Variants in FGGY observed in about 807,000 individuals in gnomAD.
FGGY encodes the protein FGGY carbohydrate kinase domain-containing protein.
A neutral mutation model predicts 71.3 loss-of-function variants in FGGY; 72 were observed. The ratio of observed to expected loss-of-function variants is 1.01; its 90% confidence interval spans 0.84 to 1.23. FGGY has a LOEUF of 1.23. Ranked by LOEUF, FGGY falls within the 50% of genes most tolerant of loss-of-function variation. The pLI, the probability that FGGY is intolerant of heterozygous loss-of-function variation, is 0.00. For missense variants in FGGY, 668 were observed against 682.3 expected (o/e 0.98, Z 0.23); for synonymous variants, 251 against 250.3 (o/e 1.00, Z -0.02).
chr1:59,401,879 G>A (rs2062009588), intron 5 of FGGY, among the ~76,000 whole-genome samples: 1 of 152,228 alleles, frequency 6.6e-6, no homozygotes, highest in Non-Finnish European at 1.5e-5. Flanking sequence ...ATGGAGAGGA[G>A]GAGGAAGGAA....
intron 6 of FGGY, among the ~76,000 whole-genome samples, chr1:59,482,771 C>T (rs1055038622): frequency 6.6e-6 from 1 of 151,968 alleles, no homozygotes; most frequent in Non-Finnish European, 1.5e-5. Flanking sequence ...GGTGAAATAA[C>T]ATCACAAAGC....
At chr1:59,669,540 C>CTTTTTTTTTTTTTTTT (rs58004594) in intron 13 of FGGY, among the ~76,000 whole-genome samples, 13 of 102,498 alleles carry the variant, frequency 1.3e-4, no homozygotes, top group African/African-American at 2.3e-4. Flanking sequence ...TTCTAGACTT[C>CTTTTTTTTTTTTTTTT]TTTTTTTTTT....
chr1:59,406,731 AAAT>A (rs1320888431), intron 5 of FGGY, among the ~76,000 whole-genome samples: 1 of 152,192 alleles, frequency 6.6e-6, no homozygotes, highest in African/African-American at 2.4e-5. Context: ...AGACTACCAA[AAAT>A]AATAAGGTCA....
chr1:59,346,212 T>G (rs1179835854), intron 3 of FGGY, 35 bp from the exon 4 acceptor site: 3 of 1,610,248 alleles, frequency 1.9e-6, no homozygotes, highest in African/African-American at 2.7e-5. Context: ...GAAGAGAATG[T>G]GTGTCCATCT....
chr1:59,518,204 G>T (rs1170663104), intron 7 of FGGY, among the ~76,000 whole-genome samples: 1 of 152,078 alleles, frequency 6.6e-6, no homozygotes, highest in Admixed American at 6.5e-5. Flanking sequence ...AGCCAGTCTT[G>T]CAAAAAGGGC....
chr1:59,535,382 G>A lies in FGGY; in HGVS notation c.800-18742G>A, dbSNP rs530357379. ...ACTTAGACTCCCACACATTAATAATGGGAGACTTTAACACCTCACTGTCAA... is the reference window on the plus strand; with the variant it reads ...ACTTAGACTCCCACACATTAATAATAGGAGACTTTAACACCTCACTGTCAA... On this transcript the variant is annotated intron_variant, in intron 7 of 15. Coordinates refer to ENST00000303721, the MANE Select transcript of FGGY (RefSeq NM_018291.5). Among the ~76,000 whole-genome samples, 460 of 152,190 alleles carry A rather than the reference G, an allele frequency of 3.0e-3. 1 individual carries two copies. The highest frequency in any genetic ancestry group is 0.011 in the African/African-American group (446 of 41,492).
intron 5 of FGGY, among the ~76,000 whole-genome samples, chr1:59,416,076 A>G (rs556521473): frequency 6.6e-6 from 1 of 152,330 alleles, no homozygotes; most frequent in East Asian, 1.9e-4. Context: ...TCTTATTTAA[A>G]TCAATTAGTT....
At chr1:59,527,605 A>T (rs1267145625) in intron 7 of FGGY, among the ~76,000 whole-genome samples, 1 of 152,198 alleles carries the variant, frequency 6.6e-6, no homozygotes, top group African/African-American at 2.4e-5. Flanking sequence ...TGAGCTGCTG[A>T]ATGTTCTTCC....
At chr1:59,631,209 A>G (rs2096905553) in intron 10 of FGGY, among the ~76,000 whole-genome samples, 1 of 152,052 alleles carries the variant, frequency 6.6e-6, no homozygotes, top group Admixed American at 6.5e-5. Flanking sequence ...ACTTTTCTTG[A>G]GTTTATAGTC....
intron 6 of FGGY, among the ~76,000 whole-genome samples, chr1:59,461,402 C>A (rs1009764683): frequency 1.3e-5 from 2 of 152,078 alleles, no homozygotes; most frequent in African/African-American, 4.8e-5. Flanking sequence ...ATGAAGCCTC[C>A]AAGAAATGTG....
At chr1:59,502,266 C>T (rs1013073763) in intron 6 of FGGY, among the ~76,000 whole-genome samples, 5 of 151,988 alleles carry the variant, frequency 3.3e-5, no homozygotes, top group African/African-American at 9.7e-5. Context: ...GCCCTCAAGG[C>T]GATTATAATC....
intron 8 of FGGY, among the ~76,000 whole-genome samples, chr1:59,593,289 A>C (rs368720195): frequency 6.6e-6 from 1 of 152,240 alleles, no homozygotes; most frequent in Non-Finnish European, 1.5e-5. Flanking sequence ...TTACAAGGCA[A>C]TCAACATATA....
chr1:59,353,027 A>G (rs1220541710), intron 4 of FGGY, among the ~76,000 whole-genome samples: 2 of 152,194 alleles, frequency 1.3e-5, no homozygotes, highest in Non-Finnish European at 2.9e-5. Context: ...GATATTGAGG[A>G]ACTTTGGGAG....
chr1:59,591,385 G>A (rs373399567), intron 8 of FGGY, among the ~76,000 whole-genome samples: 17 of 152,200 alleles, frequency 1.1e-4, no homozygotes, highest in African/African-American at 3.1e-4. Flanking sequence ...TATAGATTCA[G>A]TGCCATCCCC....
At chr1:59,587,259 C>A (rs1252274270) in intron 8 of FGGY, among the ~76,000 whole-genome samples, 1 of 152,124 alleles carries the variant, frequency 6.6e-6, no homozygotes, top group Non-Finnish European at 1.5e-5. Context: ...CCCGCCATTG[C>A]CCAGGCTTGC....
intron 5 of FGGY, among the ~76,000 whole-genome samples, chr1:59,410,314 A>C (rs1010270521): frequency 6.6e-6 from 1 of 152,158 alleles, no homozygotes; most frequent in Admixed American, 6.5e-5. Context: ...TGGTCTTTAC[A>C]CATGTTCTTC....
At chr1:59,311,555 C>T (rs181206064) in intron 1 of FGGY, among the ~76,000 whole-genome samples, 1 of 152,272 alleles carries the variant, frequency 6.6e-6, no homozygotes, top group East Asian at 1.9e-4. Context: ...ATTCATATCC[C>T]TGTGAAGGAC....
chr1:59,369,061 G>C (rs148878026), intron 4 of FGGY, among the ~76,000 whole-genome samples: 3,050 of 152,290 alleles, frequency 0.02, 48 homozygotes, highest in Non-Finnish European at 0.031. Context: ...GACAGTGGGC[G>C]CAGGTCAGTG....
chr1:59,604,473 T>C (rs749153632), intron 8 of FGGY, among the ~76,000 whole-genome samples: 1 of 152,140 alleles, frequency 6.6e-6, no homozygotes, highest in Non-Finnish European at 1.5e-5. Flanking sequence ...AACTCAAAAC[T>C]TTCTCCCTGG....
Sources: gnomAD v4.1 joint callset for allele counts (sites outside exome capture counted in the v4.1 genomes callset) on GRCh38, gnomAD v4.1.1 for gene constraint, MANE v1.5 for transcripts, NCBI Gene and HGNC (gene_info 2026-07-23, HGNC 2026-07-21) for gene names.